PARD3B: variants seen among roughly 807,000 people sequenced by gnomAD.
The protein encoded by PARD3B is partitioning defective 3 homolog B.
Under a neutral mutation model 130.2 loss-of-function variants are expected in PARD3B, and 103 were observed. The ratio of observed to expected loss-of-function variants is 0.79; its 90% CI spans 0.67 to 0.93. PARD3B has a LOEUF of 0.93. PARD3B is among the 40% of genes least tolerant of loss of function. The probability of loss-of-function intolerance (pLI) is 0.00; values close to 1 mark genes in which losing one functional copy is unlikely to be tolerated. For synonymous variants in PARD3B, 583 were observed against 553.2 expected (o/e 1.05, Z -0.76); for missense variants, 1,609 against 1,499.2 (o/e 1.07, Z -1.21).
Position 205,035,798 on chromosome 2 carries a change from C to CATAT in PARD3B, c.395-11764_395-11761dup, listed in dbSNP as rs1167207296. Among the ~76,000 whole-genome samples, 37 of 18,904 alleles carry CATAT rather than the reference C, an allele frequency of 2.0e-3. 3 individuals carry two copies. The highest frequency in any genetic ancestry group is 3.8e-3 in the Non-Finnish European group (30 of 7,902). 12.4% of individuals were successfully genotyped at this position (18,904 alleles called of 152,430 possible). Reference sequence around the variant, plus strand: ...ATCTATCGGAGTCAGAGATATATCTCATATATATATATATATATATATCTA... The same window carrying CATAT: ...ATCTATCGGAGTCAGAGATATATCTCATATATATATATATATATATATATATCTA... On this transcript the variant is annotated intron_variant, in intron 3 of 22. Coordinates refer to ENST00000406610, the MANE Select transcript of PARD3B (RefSeq NM_001302769.2).
At chr2:204,619,065 G>A (rs917841464) in intron 1 of PARD3B, among the ~76,000 whole-genome samples, 2 of 151,966 alleles carry the variant, frequency 1.3e-5, no homozygotes, top group Non-Finnish European at 1.5e-5. Context: ...TTGATTTTCT[G>A]TCTGACTGTG....
chr2:205,226,255 A>G (rs1175977653), intron 15 of PARD3B, among the ~76,000 whole-genome samples: 1 of 152,110 alleles, frequency 6.6e-6, no homozygotes. Context: ...GTTAGCCAGG[A>G]TGGTCTCGAT....
chr2:205,498,150 A>G (rs2106336684), intron 20 of PARD3B, among the ~76,000 whole-genome samples: 2 of 150,048 alleles, frequency 1.3e-5, no homozygotes, highest in South Asian at 2.1e-4. Flanking sequence ...CAGTGAGCCA[A>G]GATCGCACCA....
intron 1 of PARD3B, among the ~76,000 whole-genome samples, chr2:204,562,092 C>A (rs2031354529): frequency 6.6e-6 from 1 of 152,110 alleles, no homozygotes; most frequent in Non-Finnish European, 1.5e-5. Flanking sequence ...TGCCCCACCC[C>A]CAGCCTGAAA....
At chr2:204,592,315 A>C (rs751965582) in intron 1 of PARD3B, among the ~76,000 whole-genome samples, 1 of 152,262 alleles carries the variant, frequency 6.6e-6, no homozygotes, top group Non-Finnish European at 1.5e-5. Context: ...AGTGGACGAA[A>C]AAGAGCACAT....
At chr2:205,261,665 A>G (rs1574533272) in intron 16 of PARD3B, among the ~76,000 whole-genome samples, 1 of 152,196 alleles carries the variant, frequency 6.6e-6, no homozygotes, top group African/African-American at 2.4e-5. Context: ...AGTTCTCGTT[A>G]TATTTGTAGT....
Position 205,354,026 on chromosome 2 carries a change from C to CTT in PARD3B, c.2631-46964_2631-46963dup, listed in dbSNP as rs869308018. On this transcript the variant is annotated intron_variant, in intron 18 of 22. Coordinates refer to ENST00000406610, the MANE Select transcript of PARD3B (RefSeq NM_001302769.2). The stretch of plus-strand genomic sequence containing the variant: ...CTTCTTTCTTTTTTCTTTTCTTTTC[C>CTT]TTTTTTTTTTTTTTTTTTTTTTTTG... Among the ~76,000 whole-genome samples, 318 of 50,210 alleles carry CTT rather than the reference C, an allele frequency of 6.3e-3. 1 individual carries two copies. The highest frequency in any genetic ancestry group is 0.015 in the African/African-American group (247 of 16,076). The allele number at this position is 50,210 out of a possible 152,430, so 32.9% of individuals were successfully genotyped here.
chr2:205,323,070 C>A (rs540336749), intron 18 of PARD3B, among the ~76,000 whole-genome samples: 2 of 151,356 alleles, frequency 1.3e-5, no homozygotes, highest in African/African-American at 4.9e-5. Context: ...ACCACCAAGC[C>A]CGGCTAATTT....
chr2:204,933,818 A>G (rs900200631), intron 2 of PARD3B, among the ~76,000 whole-genome samples: 3 of 152,096 alleles, frequency 2.0e-5, no homozygotes, highest in Non-Finnish European at 2.9e-5. Context: ...TCCTAAAATG[A>G]TAAGTGTCAA....
Position 205,158,764 on chromosome 2 carries a change from G to C in PARD3B, c.1477G>C (p.Glu493Gln), listed in dbSNP as rs758977626. ...CTGTGCACTCTCTCTGGAGACAAGC[G>C]AGCAGCTCACCTTTGAGATCCCCCT... is the stretch of plus-strand genomic sequence containing the variant. ...DCCALSLETS[E>Q]QLTFEIPLND... The change falls in exon 11 of 23, where the codon GAG becomes CAG. Residue 493 changes from glutamate to glutamine, a missense_variant. Transcript: ENST00000406610. The surrounding 1 kb of genome is among the most constrained non-coding windows in gnomAD (Gnocchi z 5.4). The C allele has an allele frequency of 1.2e-6, 2 of 1,614,012 alleles. No individual in the cohort carries two copies.
chr2:204,837,060 C>T (rs917701274), intron 2 of PARD3B, among the ~76,000 whole-genome samples: 3 of 152,258 alleles, frequency 2.0e-5, no homozygotes, highest in African/African-American at 7.2e-5. Context: ...AGTTCACCTT[C>T]GGTAACATGA....
chr2:204,906,397 CTTTTCAT>C lies in PARD3B; in HGVS notation c.223-58753_223-58747del, dbSNP rs2047043481. On this transcript the variant is annotated intron_variant, in intron 2 of 22. Transcript: ENST00000406610. This position sits in a 1 kb window ranked among gnomAD's most constrained non-coding sequence, Gnocchi z 4.3. Reference sequence around the variant, plus strand: ...AGCCCATTTTCCCCCTTTGTTTTCTCTTTTCATTGGTGTGTGTGTGTGTATGTATAAA... The same window carrying C: ...AGCCCATTTTCCCCCTTTGTTTTCTCTGGTGTGTGTGTGTGTATGTATAAA... Among the ~76,000 whole-genome samples, 1 of 152,018 alleles carries C rather than the reference CTTTTCAT, an allele frequency of 6.6e-6. No individual in the cohort carries two copies. The highest frequency in any genetic ancestry group is 2.1e-4 in the South Asian group (1 of 4,808).
chr2:204,915,019 T>G (rs2047389828), intron 2 of PARD3B, among the ~76,000 whole-genome samples: 1 of 152,152 alleles, frequency 6.6e-6, no homozygotes, highest in Non-Finnish European at 1.5e-5. Flanking sequence ...TCCTCACCTA[T>G]TTAGGACTTC....
At position 205,226,573 on chromosome 2, in the gene PARD3B, A is replaced by G. The variant is rs192875503; in HGVS notation, c.2141-19205A>G. On this transcript the variant is annotated intron_variant, in intron 15 of 22. Transcript: ENST00000406610. ...TAAGAGTCTAGTTTCATTCTCCTGCATATGAATATCCAGTTTTCCCAGTAC... is the reference window on the plus strand; with the variant it reads ...TAAGAGTCTAGTTTCATTCTCCTGCGTATGAATATCCAGTTTTCCCAGTAC... Among the ~76,000 whole-genome samples, 167 of 152,272 alleles carry G rather than the reference A, an allele frequency of 1.1e-3. 1 individual carries two copies. Among genetic ancestry groups the G allele is most frequent in the Admixed American group, 0.01 (153 of 15,298 alleles).
At chr2:204,615,516 G>T (rs1399043983) in intron 1 of PARD3B, among the ~76,000 whole-genome samples, 3 of 152,128 alleles carry the variant, frequency 2.0e-5, no homozygotes, top group African/African-American at 7.2e-5. Flanking sequence ...AGTCTCATCA[G>T]AAAAATCAGA....
chr2:205,132,644 T>C (rs917902314), intron 10 of PARD3B, among the ~76,000 whole-genome samples: 2 of 152,168 alleles, frequency 1.3e-5, no homozygotes, highest in Non-Finnish European at 2.9e-5. Flanking sequence ...TTATAATTTC[T>C]CCAATAGACC....
At chr2:205,025,293 C>T (rs149489669) in intron 3 of PARD3B, among the ~76,000 whole-genome samples, 1 of 152,234 alleles carries the variant, frequency 6.6e-6, no homozygotes, top group Non-Finnish European at 1.5e-5. Context: ...TCACAGCAAC[C>T]GTTAGATGGG....
At chr2:205,154,460 A>T (rs2033978487) in intron 10 of PARD3B, among the ~76,000 whole-genome samples, 1 of 152,228 alleles carries the variant, frequency 6.6e-6, no homozygotes, top group Non-Finnish European at 1.5e-5. Context: ...ACTGTAAACT[A>T]GTTCAAACAT....
chr2:204,955,268 G>A (rs1690137477), intron 2 of PARD3B, among the ~76,000 whole-genome samples: 1 of 152,162 alleles, frequency 6.6e-6, no homozygotes, highest in African/African-American at 2.4e-5. Flanking sequence ...TAATTCCTCT[G>A]GAAGAAAATC....
Sources: allele counts gnomAD v4.1 joint callset (sites outside exome capture counted in the v4.1 genomes callset), GRCh38; gene constraint gnomAD v4.1.1; non-coding constraint Gnocchi (gnomAD v3.1); transcripts MANE v1.5; gene names NCBI Gene and HGNC (gene_info 2026-07-23, HGNC 2026-07-21).